The following PTPRM variants were observed in gnomAD, a reference collection of about 807,000 sequenced individuals.
The protein encoded by PTPRM is protein tyrosine phosphatase receptor type M, also known as receptor-type tyrosine-protein phosphatase mu.
Under a neutral mutation model 186.7 loss-of-function variants are expected in PTPRM, and 47 were observed. The observed-to-expected ratio is 0.25, with a 90% CI of 0.20 to 0.32. The LOEUF (loss-of-function observed/expected upper bound fraction) is 0.32, where lower values mean the gene tolerates loss of function less well. Ranked by LOEUF, PTPRM falls within the 10% of genes least tolerant of loss-of-function variation. The probability of loss-of-function intolerance (pLI) is 1.00; values close to 1 mark genes in which losing one functional copy is unlikely to be tolerated. For synonymous variants in PTPRM, 668 were observed against 674.9 expected, an observed-to-expected ratio of 0.99 and a Z score of 0.16; for missense variants, 1,494 against 1,865.0, an observed-to-expected ratio of 0.80 and a Z score of 3.66.
At chr18:8,204,147 T>C (rs2093894939) in intron 14 of PTPRM, among the ~76,000 whole-genome samples, 1 of 152,098 alleles carries the variant, frequency 6.6e-6, no homozygotes, top group Non-Finnish European at 1.5e-5. Context: ...CTCTCTGGTT[T>C]GTGAGCAGAA....
In PTPRM at chr18:8,257,024, G is replaced by A. The variant is rs564695285; in HGVS notation, c.2754+3610G>A. Among the ~76,000 whole-genome samples the A allele has an allele frequency of 3.3e-5, 5 of 152,312 alleles. No homozygotes were observed. The South Asian group carries it at 8.3e-4, about 25-fold the overall frequency. On this transcript the variant is annotated intron_variant, in intron 19 of 32. Transcript: ENST00000580170. ...AGAACTGCTTCTCCGCTGTCCCCTG[G>A]GGAAGCTGACAGGGCAGGAGAAGGC...
At chr18:7,966,482 T>G (rs374301600) in intron 7 of PTPRM, among the ~76,000 whole-genome samples, 2 of 152,020 alleles carry the variant, frequency 1.3e-5, no homozygotes, top group Non-Finnish European at 1.5e-5. Context: ...ACAGCTCCGG[T>G]CTACAGCTCC....
chr18:7,906,302 AC>A (rs530304004), intron 3 of PTPRM, among the ~76,000 whole-genome samples: 218 of 152,210 alleles, frequency 1.4e-3, no homozygotes, highest in African/African-American at 5.0e-3. Context: ...CGCATTCACT[AC>A]CTATTGACCT....
chr18:8,157,829 C>T (rs1274803471), intron 14 of PTPRM, among the ~76,000 whole-genome samples: 1 of 152,204 alleles, frequency 6.6e-6, no homozygotes, highest in Admixed American at 6.5e-5. Flanking sequence ...GGTATTAAAA[C>T]CTTCCAGACC....
chr18:7,608,246 A>G (rs1332673269), intron 1 of PTPRM, among the ~76,000 whole-genome samples: 1 of 152,184 alleles, frequency 6.6e-6, no homozygotes, highest in African/African-American at 2.4e-5. Context: ...AGATACAAAG[A>G]ATACTTTTTT....
chr18:7,760,721 A>G (rs184317659), intron 1 of PTPRM, among the ~76,000 whole-genome samples: 8 of 152,356 alleles, frequency 5.3e-5, no homozygotes, highest in African/African-American at 1.9e-4. Flanking sequence ...TTATAGAAAC[A>G]CACACATATA....
At chr18:8,039,930 A>G (rs1233702862) in intron 7 of PTPRM, among the ~76,000 whole-genome samples, 1 of 152,242 alleles carries the variant, frequency 6.6e-6, no homozygotes, top group Non-Finnish European at 1.5e-5. Flanking sequence ...CTCAGAAATA[A>G]TTGAAAACCC....
chr18:7,636,337 C>CCAAG (rs1487380361), intron 1 of PTPRM, among the ~76,000 whole-genome samples: 1 of 152,032 alleles, frequency 6.6e-6, no homozygotes, highest in African/African-American at 2.4e-5. Flanking sequence ...TTGGGTTCTC[C>CCAAG]CAAGGCTCAG....
intron 7 of PTPRM, among the ~76,000 whole-genome samples, chr18:7,987,544 C>A (rs926730410): frequency 6.6e-6 from 1 of 152,056 alleles, no homozygotes. Context: ...TGGAGACAAA[C>A]CTACAGCAAA....
chr18:7,603,206 G>A (rs1029047408), intron 1 of PTPRM, among the ~76,000 whole-genome samples: 2 of 152,102 alleles, frequency 1.3e-5, no homozygotes, highest in Admixed American at 6.5e-5. Flanking sequence ...GGGATTACAG[G>A]TGTGAGCCAC....
intron 20 of PTPRM, among the ~76,000 whole-genome samples, chr18:8,303,294 G>A (rs1366538328): frequency 1.3e-5 from 2 of 152,130 alleles, no homozygotes; most frequent in African/African-American, 4.8e-5. Flanking sequence ...GGGTTACCAT[G>A]CCCTCCTACT....
chr18:8,212,012 G>A (rs1236176657), intron 14 of PTPRM, among the ~76,000 whole-genome samples: 1 of 152,090 alleles, frequency 6.6e-6, no homozygotes, highest in Non-Finnish European at 1.5e-5. Flanking sequence ...GGGAATGATG[G>A]GCATGACTGG....
chr18:7,627,215 C>G (rs1433730445), intron 1 of PTPRM, among the ~76,000 whole-genome samples: 1 of 152,216 alleles, frequency 6.6e-6, no homozygotes. Context: ...TGTCATTACT[C>G]TGGGTGGGAC....
rs183899416 is a variant in PTPRM, at chr18:7,767,714, A to G, written c.74-6435A>G. The stretch of plus-strand genomic sequence containing the variant: ...GCCTTGCTGTCTAATAATTGCCAGG[A>G]AAAAAAAAGAAAGAGAATTCAACTT... On this transcript the variant is annotated intron_variant, in intron 1 of 32. Transcript: ENST00000580170. Among the ~76,000 whole-genome samples the G allele has an allele frequency of 2.4e-3, 370 of 151,806 alleles. 1 individual carries two copies. Among genetic ancestry groups the G allele is most frequent in the African/African-American group, 8.0e-3 (331 of 41,420 alleles).
At chr18:7,645,953 T>C (rs1372044405) in intron 1 of PTPRM, among the ~76,000 whole-genome samples, 1 of 152,174 alleles carries the variant, frequency 6.6e-6, no homozygotes, top group Non-Finnish European at 1.5e-5. Context: ...TTTTATTAAT[T>C]TATAATGAGA....
intron 1 of PTPRM, among the ~76,000 whole-genome samples, chr18:7,633,028 TGA>T (rs2038227871): frequency 6.6e-6 from 1 of 152,154 alleles, no homozygotes; most frequent in Non-Finnish European, 1.5e-5. Flanking sequence ...GCAGCAGTGT[TGA>T]GACAGCATAT....
chr18:7,830,736 G>T (rs1668593691), intron 2 of PTPRM, among the ~76,000 whole-genome samples: 1 of 152,200 alleles, frequency 6.6e-6, no homozygotes, highest in Admixed American at 6.5e-5. Flanking sequence ...CCTGTCTAAA[G>T]AGACAGCAGC....
At chr18:7,724,535 T>C (rs1369426156) in intron 1 of PTPRM, among the ~76,000 whole-genome samples, 2 of 152,182 alleles carry the variant, frequency 1.3e-5, no homozygotes, top group Non-Finnish European at 2.9e-5. Context: ...CCCTACAACA[T>C]TGGTTTTCTG....
intron 14 of PTPRM, among the ~76,000 whole-genome samples, chr18:8,202,771 G>C (rs193237849): frequency 1.3e-5 from 2 of 151,964 alleles, no homozygotes; most frequent in Admixed American, 1.3e-4. Flanking sequence ...ACTCTGTCTC[G>C]ATTGTCCTGT....
Sources: gnomAD v4.1 joint callset for allele counts (sites outside exome capture counted in the v4.1 genomes callset) on GRCh38, gnomAD v4.1.1 for gene constraint, MANE v1.5 for transcripts, NCBI Gene and HGNC (gene_info 2026-07-23, HGNC 2026-07-21) for gene names.